The following MTX2 variants were observed in gnomAD, a reference collection of about 807,000 sequenced individuals.
The protein encoded by MTX2 is metaxin-2.
MTX2 carries 35 observed loss-of-function variants against 42.3 expected under a neutral mutation model. The ratio of observed to expected loss-of-function variants is 0.83; its 90% CI spans 0.63 to 1.10. The LOEUF (loss-of-function observed/expected upper bound fraction) is 1.10, where lower values mean the gene tolerates loss of function less well. MTX2 is among the 50% of genes least tolerant of loss of function. The pLI, the probability that MTX2 is intolerant of heterozygous loss-of-function variation, is 0.00. For synonymous variants in MTX2, 119 were observed against 100.9 expected (o/e 1.18, Z -1.08); for missense variants, 307 against 304.1 (o/e 1.01, Z -0.07).
chr2:176,312,104 C>T lies in MTX2; in HGVS notation c.136-11288C>T, dbSNP rs566418666. ...TTACTGTTTTCTAAAGCAGTATCAA[C>T]GTATTGATATTTGTAACTATTGATT... On this transcript the variant is annotated intron_variant, in intron 3 of 9. Transcript: ENST00000249442. Among the ~76,000 whole-genome samples, 7 of 152,278 alleles carry T rather than the reference C, an allele frequency of 4.6e-5. No individual in the cohort carries two copies. In the South Asian group the frequency reaches 8.3e-4, roughly 18 times the overall value.
intron 1 of MTX2, among the ~76,000 whole-genome samples, chr2:176,289,771 T>C (rs931697266): frequency 1.3e-5 from 2 of 151,938 alleles, no homozygotes; most frequent in East Asian, 3.9e-4. Flanking sequence ...TTCTAAAAGG[T>C]GGGTAGTTTA....
intron 3 of MTX2, among the ~76,000 whole-genome samples, chr2:176,305,910 G>T (rs556971865): frequency 6.6e-6 from 1 of 151,860 alleles, no homozygotes; most frequent in Admixed American, 6.6e-5. Flanking sequence ...TTTCTACATA[G>T]ATCATTATTA....
chr2:176,319,596 G>A (rs1267632021), intron 3 of MTX2, among the ~76,000 whole-genome samples: 1 of 151,830 alleles, frequency 6.6e-6, no homozygotes, highest in Non-Finnish European at 1.5e-5. Flanking sequence ...TGTTTTTTGA[G>A]ATGGAGTCTT....
intron 1 of MTX2, among the ~76,000 whole-genome samples, chr2:176,284,495 T>C (rs1178340817): frequency 1.3e-5 from 2 of 152,220 alleles, no homozygotes; most frequent in Non-Finnish European, 2.9e-5. Flanking sequence ...CAGATAGATA[T>C]CACAACTGAT....
chr2:176,296,990 A>G (rs965770914), intron 2 of MTX2, 83 bp downstream of exon 2: 97 of 1,343,426 alleles, frequency 7.2e-5, no homozygotes, highest in Non-Finnish European at 1.0e-4. Flanking sequence ...AATTTACTGC[A>G]AAGAGAATAT....
intron 3 of MTX2, among the ~76,000 whole-genome samples, chr2:176,314,235 C>T (rs1448482547): frequency 2.0e-5 from 3 of 152,028 alleles, no homozygotes; most frequent in African/African-American, 7.2e-5. Flanking sequence ...CAGGAGTTCA[C>T]GACCAGCCTG....
chr2:176,299,478 T>C, intron 3 of MTX2, among the ~76,000 whole-genome samples: 1 of 152,256 alleles, frequency 6.6e-6, no homozygotes. Context: ...TCTCAAATCA[T>C]AGTTGCAATT....
chr2:176,270,950 G>A (rs1386555674), intron 1 of MTX2, among the ~76,000 whole-genome samples: 6 of 151,868 alleles, frequency 4.0e-5, no homozygotes, highest in Admixed American at 3.9e-4. Context: ...TTAGATCAGC[G>A]ATTTAATTTA....
At chr2:176,319,881 GTA>G (rs753462998) in intron 3 of MTX2, among the ~76,000 whole-genome samples, 14 of 151,970 alleles carry the variant, frequency 9.2e-5, no homozygotes, top group Non-Finnish European at 1.5e-4. Flanking sequence ...AAAAATTTTT[GTA>G]GAGAGAAGCT....
chr2:176,329,056 CACATA>C, intron 7 of MTX2, 144 bp downstream of exon 7: 1 of 884,676 alleles, frequency 1.1e-6, no homozygotes, highest in Non-Finnish European at 1.7e-6. Context: ...ATTTTGCTTG[CACATA>C]ACATTTTAGG....
chr2:176,282,133 T>TTG (rs1160909005), intron 1 of MTX2, among the ~76,000 whole-genome samples: 2 of 134,914 alleles, frequency 1.5e-5, no homozygotes, highest in African/African-American at 2.8e-5. Context: ...GTAGTTTTTT[T>TTG]TTTTTTTTTT....
intron 5 of MTX2, among the ~76,000 whole-genome samples, chr2:176,327,632 C>T (rs1364281931): frequency 6.7e-6 from 1 of 148,446 alleles, no homozygotes; most frequent in African/African-American, 2.5e-5. Flanking sequence ...ATTTTATTTA[C>T]TCAAGTTTAT....
chr2:176,337,543 CCA>C lies in MTX2; in HGVS notation c.676_677del (p.Gln226IlefsTer4). The C allele has an allele frequency of 1.2e-6, 2 of 1,613,000 alleles. No homozygotes were observed. Among genetic ancestry groups the C allele is most frequent in the Non-Finnish European group, 1.7e-6 (2 of 1,179,280 alleles). ...TTTGGCCATCTATACACCATTCTTA[CCA>C]CACAATTGACAAATGATGAACTTTC... On this transcript the variant is annotated frameshift_variant, in exon 10 of 10. Transcript: ENST00000249442. LOFTEE classifies it high-confidence loss of function.
At chr2:176,318,044 A>T (rs1386890103) in intron 3 of MTX2, among the ~76,000 whole-genome samples, 2 of 152,142 alleles carry the variant, frequency 1.3e-5, no homozygotes, top group Non-Finnish European at 2.9e-5. Context: ...TGCCCTGCTA[A>T]GTCTGCTTTC....
Position 176,326,863 on chromosome 2 carries a change from TC to T in MTX2, c.248del (p.Ser83Ter). 1 of 1,576,316 alleles carries T rather than the reference TC, an allele frequency of 6.3e-7. No individual in the cohort carries two copies. ...PFIHVGNQVV[S>X]ELGPIVQFVK... ...TATTCATGTGGGAAATCAAGTAGTA[TC>T]AGAACTTGGTCCAATAGTCCAATTT... On this transcript the variant is annotated frameshift_variant, in exon 5 of 10. Transcript: ENST00000249442. LOFTEE classifies it high-confidence loss of function.
intron 3 of MTX2, among the ~76,000 whole-genome samples, chr2:176,306,222 C>T (rs1684140511): frequency 6.6e-6 from 1 of 152,152 alleles, no homozygotes; most frequent in African/African-American, 2.4e-5. Flanking sequence ...TCATCCATGT[C>T]CCTACAAAGG....
intron 5 of MTX2, 26 bp downstream of exon 5, chr2:176,326,927 T>A: frequency 2.3e-6 from 3 of 1,320,060 alleles, no homozygotes; most frequent in Non-Finnish European, 3.2e-6. Context: ...TAAATGTATT[T>A]GATCAGTTAC....
At chr2:176,296,791 TA>T (rs1423950621) in intron 1 of MTX2, 68 bp from the exon 2 acceptor site, 2 of 1,487,956 alleles carry the variant, frequency 1.3e-6, no homozygotes, top group Non-Finnish European at 1.9e-6. Flanking sequence ...TGTACATGCT[TA>T]TTAATTTGGT....
chr2:176,299,141 G>C (rs1182997677), intron 3 of MTX2, among the ~76,000 whole-genome samples: 1 of 152,080 alleles, frequency 6.6e-6, no homozygotes, highest in Admixed American at 6.6e-5. Context: ...CAATATTTAA[G>C]TGTTTTTGCT....
Sources: allele counts gnomAD v4.1 joint callset (sites outside exome capture counted in the v4.1 genomes callset), GRCh38; gene constraint gnomAD v4.1.1; transcripts MANE v1.5; gene names NCBI Gene and HGNC (gene_info 2026-07-23, HGNC 2026-07-21).